Variants in ARAP3 observed in about 807,000 individuals in gnomAD.
ARAP3 encodes arf-GAP with Rho-GAP domain, ANK repeat and PH domain-containing protein 3.
A neutral mutation model predicts 169.2 loss-of-function variants in ARAP3; 82 were observed. That is an observed-to-expected ratio of 0.48 (90% CI 0.41 to 0.58). ARAP3 has a LOEUF of 0.58. Ranked by LOEUF, ARAP3 falls within the 20% of genes least tolerant of loss-of-function variation. The pLI, the probability that ARAP3 is intolerant of heterozygous loss-of-function variation, is 0.00. For synonymous variants in ARAP3, 791 were observed against 800.3 expected (o/e 0.99, Z 0.20); for missense variants, 1,764 against 2,018.0 (o/e 0.87, Z 2.41).
intron 18 of ARAP3, 65 bp from the exon 19 acceptor site, chr5:141,665,150 T>C: frequency 6.4e-7 from 1 of 1,568,910 alleles, no homozygotes; most frequent in Non-Finnish European, 8.6e-7. Flanking sequence ...GGACCAGACT[T>C]CCCAGAGCCA....
At position 141,671,657 on chromosome 5, in the gene ARAP3, G is replaced by T; in HGVS notation, c.1767C>A (p.Pro589=). 1 of 1,613,998 alleles carries T rather than the reference G, an allele frequency of 6.2e-7. No homozygotes were observed. ...EGLHPDATPG[P]RGEFISRKYR... ...ACTTTCGGGAGATGAACTCTCCCCGGGGGCCAGGGGTCGCATCTGGATGTA... is the reference window on the plus strand; with the variant it reads ...ACTTTCGGGAGATGAACTCTCCCCGTGGGCCAGGGGTCGCATCTGGATGTA... Residue 589 remains proline (P), a synonymous_variant, in exon 12 of 33, where the codon CCC becomes CCA. Coordinates refer to ENST00000239440, the MANE Select transcript of ARAP3 (RefSeq NM_022481.6). This position sits in a 1 kb window ranked among gnomAD's most constrained non-coding sequence, Gnocchi z 4.9.
At position 141,680,496 on chromosome 5, in the gene ARAP3, G is replaced by C; in HGVS notation, c.-10C>G. Reference sequence around the variant, plus strand: ...CCTGAGGGGCAGCCATGGGGGCTCAGGCCATTGCTGGGGGGAGGGGCAGGG... The same window carrying C: ...CCTGAGGGGCAGCCATGGGGGCTCACGCCATTGCTGGGGGGAGGGGCAGGG... On this transcript the variant is annotated 5_prime_UTR_variant, in exon 2 of 33. Coordinates refer to ENST00000239440, the MANE Select transcript of ARAP3 (RefSeq NM_022481.6). 3.2e-6 allele frequency: 5 copies of C among 1,579,660 alleles called. No individual in the cohort carries two copies. The Admixed American group carries it at 6.8e-5, about 21-fold the overall frequency.
At position 141,673,419 on chromosome 5, in the gene ARAP3, C is replaced by T. The variant is rs150744263; in HGVS notation, c.954G>A (p.Met318Ile). Residue 318 changes from methionine (M) to isoleucine (I), a missense_variant, in exon 6 of 33, where the codon ATG becomes ATA. This residue lies in a region of ARAP3 where 630 missense variants were observed against 678.7 expected (regional missense o/e 0.93). Transcript: ENST00000239440. ...CCCCCACCTTGTCACTGCCAAAGTA[C>T]ATCAGACTCCTCCCATTGAACTGCA... is the stretch of plus-strand genomic sequence containing the variant. ...RFVQFNGRSL[M>I]YFGSDKDPFP... 6,401 of 1,614,128 alleles carry T rather than the reference C, an allele frequency of 4.0e-3. 30 individuals carry two copies. Among genetic ancestry groups the T allele is most frequent in the Non-Finnish European group, 3.9e-3 (4,629 of 1,180,034 alleles).
Position 141,670,011 on chromosome 5 carries a change from C to T in ARAP3, c.2160G>A (p.Ser720=), listed in dbSNP as rs531854726. 6.0e-5 allele frequency: 96 copies of T among 1,597,568 alleles called. No individual in the cohort carries two copies. The highest frequency in any genetic ancestry group is 5.0e-4 in the Middle Eastern group (3 of 5,964). Residue 720 remains serine, a synonymous_variant, in exon 15 of 33, where the codon TCG becomes TCA. Transcript: ENST00000239440. ...VLGAALEMFA[S]ENSPEPLSLI... is the part of the protein sequence containing the mutation. ...GGCTGAGGGGTTCAGGGCTGTTTTC[C>T]GATGCAAACATTTCCAGAGCTGCTC... is the stretch of plus-strand genomic sequence containing the variant.
intron 21 of ARAP3, among the ~76,000 whole-genome samples, chr5:141,660,493 CAA>C (rs549366104): frequency 1.4e-4 from 13 of 91,290 alleles, no homozygotes; most frequent in Non-Finnish European, 1.6e-4. Flanking sequence ...GACTCCGTCT[CAA>C]AAAAAAAAAA....
chr5:141,660,489 G>A (rs1366298211), intron 21 of ARAP3, among the ~76,000 whole-genome samples: 6 of 144,548 alleles, frequency 4.2e-5, no homozygotes, highest in African/African-American at 5.1e-5. Context: ...GCAAGACTCC[G>A]TCTCAAAAAA....
At chr5:141,658,337 A>C (rs773790269) in intron 25 of ARAP3, 28 bp downstream of exon 25, 6 of 1,602,910 alleles carry the variant, frequency 3.7e-6, no homozygotes, top group Non-Finnish European at 4.3e-6. Flanking sequence ...ATACACATGC[A>C]TGAACACACA....
chr5:141,657,376 C>T (rs1346103869), intron 25 of ARAP3, among the ~76,000 whole-genome samples: 3 of 152,278 alleles, frequency 2.0e-5, no homozygotes, highest in Non-Finnish European at 4.4e-5. Flanking sequence ...GCATGGAGGA[C>T]GCAGGGGTCA....
At chr5:141,677,786 GT>G (rs546941989) in intron 4 of ARAP3, among the ~76,000 whole-genome samples, 326 of 149,150 alleles carry the variant, frequency 2.2e-3, no homozygotes, top group African/African-American at 7.5e-3. Flanking sequence ...TGTTTTTTTT[GT>G]TTTTGTTTTT....
chr5:141,679,659 G>T lies in ARAP3; in HGVS notation c.587-3C>A. The T allele has an allele frequency of 1.9e-6, 3 of 1,614,050 alleles. No homozygotes were observed. The highest frequency in any genetic ancestry group is 2.5e-6 in the Non-Finnish European group (3 of 1,179,968). ...GCAACCAGGATCCATGATGTGCACT[G>T]GCAGGAGGAGAGGGGAACGCACAAG... On this transcript the variant is annotated splice_region_variant and splice_polypyrimidine_tract_variant and intron_variant, in intron 3 of 32. Transcript: ENST00000239440.
intron 1 of ARAP3, among the ~76,000 whole-genome samples, chr5:141,681,806 C>G (rs2099913024): frequency 6.6e-6 from 1 of 152,162 alleles, no homozygotes; most frequent in Non-Finnish European, 1.5e-5. Flanking sequence ...GCTGGCCTCC[C>G]TCTGCCTCTC....
intron 17 of ARAP3, 39 bp from the exon 18 acceptor site, chr5:141,665,413 C>T (rs1477118252): frequency 6.2e-7 from 1 of 1,601,278 alleles, no homozygotes; most frequent in East Asian, 2.2e-5. Flanking sequence ...TGATTATCGT[C>T]TTCATTATAG....
At position 141,665,020 on chromosome 5, in the gene ARAP3, G is replaced by A. The variant is rs747769367; in HGVS notation, c.2702C>T (p.Ala901Val). The change falls in exon 19 of 33, where the codon GCG becomes GTG. Residue 901 changes from alanine (A) to valine (V), a missense_variant. Ala to Val is a moderately conservative substitution (Grantham distance 64, BLOSUM62 0). Coordinates refer to ENST00000239440, the MANE Select transcript of ARAP3 (RefSeq NM_022481.6). ...FTAWNAAIGG[A>V]AGGGGTGLQE... ...CAGCCCTGTGCCGCCCCCACCAGCC[G>A]CGCCCCCAATGGCTGCGTTCCATGC... 34 of 1,613,848 alleles carry A rather than the reference G, an allele frequency of 2.1e-5. No individual in the cohort carries two copies. The highest frequency in any genetic ancestry group is 1.5e-4 in the African/African-American group (11 of 74,918).
In ARAP3 at chr5:141,653,780, G is replaced by T; in HGVS notation, c.*170C>A. ...TGGGCTGGGCCCAGAGAGGGGCCAT[G>T]ACCTGTCCTGGGACACGCAGCCACT... On this transcript the variant is annotated 3_prime_UTR_variant, in exon 33 of 33. Coordinates refer to ENST00000239440, the MANE Select transcript of ARAP3 (RefSeq NM_022481.6). The T allele has an allele frequency of 1.1e-6, 1 of 871,592 alleles. No individual in the cohort carries two copies. Among genetic ancestry groups the T allele is most frequent in the Non-Finnish European group, 1.6e-6 (1 of 610,364 alleles). 54.0% of individuals were successfully genotyped at this position (871,592 alleles called of 1,614,324 possible).
intron 21 of ARAP3, among the ~76,000 whole-genome samples, chr5:141,660,275 G>A (rs1435618408): frequency 2.0e-5 from 3 of 151,984 alleles, no homozygotes; most frequent in Non-Finnish European, 4.4e-5. Context: ...GGCGGATCAC[G>A]AGGTCAGGAG....
intron 18 of ARAP3, 54 bp from the exon 19 acceptor site, chr5:141,665,139 G>T (rs1256016743): frequency 3.8e-6 from 6 of 1,575,904 alleles, no homozygotes; most frequent in Non-Finnish European, 5.2e-6. Flanking sequence ...CAGATGCATG[G>T]GGACCAGACT....
At position 141,664,994 on chromosome 5, in the gene ARAP3, G is replaced by C. The variant is rs757687350; in HGVS notation, c.2728C>G (p.Gln910Glu). The change falls in exon 19 of 33, where the codon CAG (glutamine) becomes GAG (glutamate). Residue 910 changes from glutamine to glutamate, a missense_variant. Gln to Glu is a conservative substitution (Grantham distance 29). Around this residue, in one of 3 missense-constraint regions of ARAP3, gnomAD observed 1,112 missense variants for 1,285.7 expected, o/e 0.86. Transcript: ENST00000239440. ...GAAGGGGTGLQEQQMSRGDIP... is the reference protein window; with the variant it reads ...GAAGGGGTGLEEQQMSRGDIP... Reference sequence around the variant, plus strand: ...TCACCCCGGCTCATCTGCTGCTCCTGCAGCCCTGTGCCGCCCCCACCAGCC... The same window carrying C: ...TCACCCCGGCTCATCTGCTGCTCCTCCAGCCCTGTGCCGCCCCCACCAGCC... The C allele has an allele frequency of 6.2e-7, 1 of 1,613,664 alleles. No homozygotes were observed. Among genetic ancestry groups the C allele is most frequent in the South Asian group, 1.1e-5 (1 of 91,032 alleles).
rs1294329271 is a variant in ARAP3 at position 141,656,761 on chromosome 5, G to C, written c.3612C>G (p.Leu1204=). 3 of 1,611,808 alleles carry C rather than the reference G, an allele frequency of 1.9e-6. No homozygotes were observed. Among genetic ancestry groups the C allele is most frequent in the Admixed American group, 3.4e-5 (2 of 59,508 alleles). ...QLPEPCSASL[L]LKKVPLAQAG... ...CTTGGGCCAGGGGGACTTTTTTCAAGAGCAGGGAAGCTGAGCAGGGCTCTG... is the reference window on the plus strand; with the variant it reads ...CTTGGGCCAGGGGGACTTTTTTCAACAGCAGGGAAGCTGAGCAGGGCTCTG... Residue 1204 remains leucine (L), a synonymous_variant, in exon 26 of 33, where the codon CTC becomes CTG. Transcript: ENST00000239440.
chr5:141,667,469 T>C (rs2099910808), intron 16 of ARAP3, among the ~76,000 whole-genome samples: 2 of 151,078 alleles, frequency 1.3e-5, no homozygotes, highest in African/African-American at 4.9e-5. Context: ...GTTTTGCTCT[T>C]CTCTCCCAGG....
Sources: allele counts gnomAD v4.1 joint callset (sites outside exome capture counted in the v4.1 genomes callset), GRCh38; gene constraint gnomAD v4.1.1; regional missense constraint gnomAD v4.1.1; non-coding constraint Gnocchi (gnomAD v3.1); transcripts MANE v1.5; gene names NCBI Gene and HGNC (gene_info 2026-07-23, HGNC 2026-07-21).